Variants in CFAP299 observed in about 807,000 individuals in gnomAD.
CFAP299 encodes the protein cilia- and flagella-associated protein 299.
CFAP299 carries 21 observed loss-of-function variants against 27.0 expected under a neutral mutation model. The observed-to-expected ratio is 0.78, with a 90% confidence interval of 0.55 to 1.12. The LOEUF is 1.12. CFAP299 is among the 50% of genes most tolerant of loss of function. The pLI, the probability that CFAP299 is intolerant of heterozygous loss-of-function variation, is 0.00. For missense variants in CFAP299, 310 were observed against 276.6 expected, an observed-to-expected ratio of 1.12 and a Z score of -0.86; for synonymous variants, 104 against 98.1, an observed-to-expected ratio of 1.06 and a Z score of -0.36.
At chr4:80,457,699 C>G (rs1729233677) in intron 2 of CFAP299, among the ~76,000 whole-genome samples, 1 of 152,124 alleles carries the variant, frequency 6.6e-6, no homozygotes, top group Non-Finnish European at 1.5e-5. Flanking sequence ...ACTTCTATAA[C>G]CACATGCTAC....
intron 5 of CFAP299, among the ~76,000 whole-genome samples, chr4:80,949,107 C>T (rs1313717196): frequency 1.3e-5 from 2 of 152,130 alleles, no homozygotes; most frequent in African/African-American, 4.8e-5. Flanking sequence ...TGAATTAGAA[C>T]ATGATTTTGA....
At chr4:80,672,860 C>T (rs1298075522) in intron 3 of CFAP299, among the ~76,000 whole-genome samples, 1 of 151,354 alleles carries the variant, frequency 6.6e-6, no homozygotes, top group Non-Finnish European at 1.5e-5. Flanking sequence ...TCCCCTTTGT[C>T]ATTTTTTATT....
intron 2 of CFAP299, among the ~76,000 whole-genome samples, chr4:80,449,690 A>G (rs1000951391): frequency 4.0e-5 from 6 of 151,784 alleles, no homozygotes; most frequent in African/African-American, 1.4e-4. Flanking sequence ...CCATTTTACT[A>G]TCCATATAAT....
At chr4:80,329,208 C>CATATATATATATATATATATATATATAT in the CFAP299 span, among the ~76,000 whole-genome samples, 36 of 136,040 alleles carry the variant, frequency 2.6e-4, no homozygotes, top group African/African-American at 1.0e-3. Flanking sequence ...ACACTGTATA[C>CATATATATATATATATATATATATATAT]ATATATATAT....
At position 80,515,918 on chromosome 4, in the gene CFAP299, A is replaced by C. The variant is rs776520689; in HGVS notation, c.243-67175A>C. Among the ~76,000 whole-genome samples, 3 of 152,164 alleles carry C rather than the reference A, an allele frequency of 2.0e-5. No homozygotes were observed. The South Asian group carries it at 6.2e-4, about 31-fold the overall frequency. ...GTAAATAACAATAATTTACATGTTAATAATACAAGAAAGAAGATAGAAAGT... is the reference window on the plus strand; with the variant it reads ...GTAAATAACAATAATTTACATGTTACTAATACAAGAAAGAAGATAGAAAGT... On this transcript the variant is annotated intron_variant, in intron 2 of 5. Transcript: ENST00000358105.
In CFAP299 at chr4:80,642,894, C is replaced by A. The variant is rs1430723895; in HGVS notation, c.333+59711C>A. On this transcript the variant is annotated intron_variant, in intron 3 of 5. Transcript: ENST00000358105. ...CAAAACAGACAAAAACAAACAGAAACCTTCTCTTCATAAAGTTTACATTTT... is the reference window on the plus strand; with the variant it reads ...CAAAACAGACAAAAACAAACAGAAAACTTCTCTTCATAAAGTTTACATTTT... 2.0e-5 allele frequency among the ~76,000 whole-genome samples: 3 copies of A among 152,028 alleles called. No homozygotes were observed. In the South Asian group the frequency reaches 6.2e-4, roughly 32 times the overall value.
intron 5 of CFAP299, among the ~76,000 whole-genome samples, chr4:80,952,875 T>G (rs1340082064): frequency 6.6e-6 from 1 of 152,146 alleles, no homozygotes; most frequent in Admixed American, 6.5e-5. Context: ...TGGCTTCTCT[T>G]CATTTCCCTT....
chr4:80,718,186 A>G (rs1452710981), intron 3 of CFAP299, among the ~76,000 whole-genome samples: 1 of 152,080 alleles, frequency 6.6e-6, no homozygotes, highest in Non-Finnish European at 1.5e-5. Context: ...GGCAATAGTT[A>G]AGTCTTTAGA....
chr4:80,386,609 T>G (rs1725020460), intron 2 of CFAP299: 1 of 1,598,438 alleles, frequency 6.3e-7, no homozygotes, highest in Non-Finnish European at 8.6e-7. Context: ...GAAAAAGCCC[T>G]TGGCACAGCC....
chr4:80,331,869 C>T (rs1721955242), upstream of CFAP299, among the ~76,000 whole-genome samples: 1 of 152,022 alleles, frequency 6.6e-6, no homozygotes, highest in Admixed American at 6.6e-5. Flanking sequence ...GTGAGAGCTC[C>T]AAGTAACAAA....
intron 3 of CFAP299, among the ~76,000 whole-genome samples, chr4:80,741,754 G>A (rs1323345796): frequency 1.3e-5 from 2 of 152,104 alleles, no homozygotes; most frequent in Non-Finnish European, 2.9e-5. Flanking sequence ...GTAGCACAAG[G>A]AATTGCCTAG....
intron 2 of CFAP299, among the ~76,000 whole-genome samples, chr4:80,401,613 A>G (rs1440618152): frequency 6.6e-6 from 1 of 152,180 alleles, no homozygotes; most frequent in Non-Finnish European, 1.5e-5. Flanking sequence ...CCCAGGCAAA[A>G]GTTTGCTGCA....
At position 80,937,312 on chromosome 4, in the gene CFAP299, C is replaced by CTTTTT. The variant is rs70956081; in HGVS notation, c.477-7480_477-7476dup. On this transcript the variant is annotated intron_variant, in intron 4 of 5. Coordinates refer to ENST00000358105, the MANE Select transcript of CFAP299 (RefSeq NM_152770.3). ...TTTTCTTTTTTCTTTTTTTTTCTTT[C>CTTTTT]TTTTTTTTTTTTTTTTTTTTTTGAG... Among the ~76,000 whole-genome samples the CTTTTT allele has an allele frequency of 4.4e-3, 299 of 68,624 alleles. 5 individuals are homozygous for CTTTTT. The highest frequency in any genetic ancestry group is 0.016 in the East Asian group (30 of 1,912). The allele number at this position is 68,624 out of a possible 152,430, so 45.0% of individuals were successfully genotyped here. A position where few individuals can be genotyped will look rare whatever the true frequency, so the allele number is the denominator to read the frequency against.
intron 3 of CFAP299, among the ~76,000 whole-genome samples, chr4:80,800,294 T>C (rs868035227): frequency 0.014 from 1,019 of 73,538 alleles, 28 homozygotes; most frequent in South Asian, 0.058. Context: ...AATATATTAA[T>C]ATATATAATA....
intron 3 of CFAP299, among the ~76,000 whole-genome samples, chr4:80,627,130 T>C (rs776254222): frequency 2.0e-5 from 3 of 151,968 alleles, no homozygotes; most frequent in Non-Finnish European, 4.4e-5. Context: ...CAATGGTACA[T>C]TGAAAATATT....
At chr4:80,457,221 G>GC (rs1255351763) in intron 2 of CFAP299, among the ~76,000 whole-genome samples, 1 of 152,000 alleles carries the variant, frequency 6.6e-6, no homozygotes, top group Non-Finnish European at 1.5e-5. Context: ...CGCAGGCAGC[G>GC]TTTTCCACAA....
At chr4:80,438,766 T>A (rs1292878531) in intron 2 of CFAP299, among the ~76,000 whole-genome samples, 2 of 152,210 alleles carry the variant, frequency 1.3e-5, no homozygotes, top group South Asian at 4.1e-4. Context: ...TATTTTAACT[T>A]GTATTGTACT....
chr4:80,497,558 G>A (rs1184080228), intron 2 of CFAP299, among the ~76,000 whole-genome samples: 1 of 151,964 alleles, frequency 6.6e-6, no homozygotes, highest in East Asian at 1.9e-4. Flanking sequence ...GCATAGTAAA[G>A]ATTGCCTGTG....
intron 2 of CFAP299, among the ~76,000 whole-genome samples, chr4:80,367,086 G>A (rs1475288040): frequency 1.3e-5 from 2 of 152,104 alleles, no homozygotes; most frequent in Admixed American, 1.3e-4. Flanking sequence ...TGAATATGAG[G>A]TTTCTTCTTG....
Sources: allele counts gnomAD v4.1 joint callset (sites outside exome capture counted in the v4.1 genomes callset), GRCh38; gene constraint gnomAD v4.1.1; transcripts MANE v1.5; gene names NCBI Gene and HGNC (gene_info 2026-07-23, HGNC 2026-07-21).